The following ARHGEF33 variants were observed in gnomAD, a reference collection of about 807,000 sequenced individuals.
The protein encoded by ARHGEF33 is DH and coiled-coil domain-containing protein ENSP00000381780.
Under a neutral mutation model 101.9 loss-of-function variants are expected in ARHGEF33, and 72 were observed. That is an observed-to-expected ratio of 0.71 (90% CI 0.58 to 0.86). ARHGEF33 has a LOEUF of 0.86. Among genes scored for constraint, ARHGEF33 ranks in the 40% least tolerant of loss-of-function variants. ARHGEF33 has a pLI of 0.00. For missense variants in ARHGEF33, 1,169 were observed against 1,111.3 expected (o/e 1.05, Z -0.74); for synonymous variants, 499 against 442.5 (o/e 1.13, Z -1.60).
intron 10 of ARHGEF33, among the ~76,000 whole-genome samples, chr2:38,947,279 C>T (rs1308519690): frequency 6.6e-6 from 1 of 152,238 alleles, no homozygotes; most frequent in Non-Finnish European, 1.5e-5. Context: ...TCAAGAGCTT[C>T]CTCAGCCTGT....
chr2:38,896,692 A>C (rs1409820682), intron 2 of ARHGEF33, among the ~76,000 whole-genome samples: 1 of 152,214 alleles, frequency 6.6e-6, no homozygotes, highest in African/African-American at 2.4e-5. Flanking sequence ...GATGTCTGAC[A>C]CACTTAAGAA....
At chr2:38,904,855 A>G (rs189891024) in intron 2 of ARHGEF33, among the ~76,000 whole-genome samples, 3 of 152,358 alleles carry the variant, frequency 2.0e-5, no homozygotes, top group Admixed American at 6.5e-5. Flanking sequence ...GGATGCTCCT[A>G]GAGACGTTTA....
At chr2:38,944,705 C>T (rs934993773) in intron 10 of ARHGEF33, among the ~76,000 whole-genome samples, 1 of 152,068 alleles carries the variant, frequency 6.6e-6, no homozygotes, top group Non-Finnish European at 1.5e-5. Flanking sequence ...TCTCTGTTGC[C>T]ATCTGCATGG....
At chr2:38,908,316 G>A (rs558419677) in intron 2 of ARHGEF33, among the ~76,000 whole-genome samples, 6 of 152,290 alleles carry the variant, frequency 3.9e-5, no homozygotes, top group African/African-American at 1.4e-4. Context: ...TCAGGCTCAC[G>A]AAATCTGGTT....
intron 2 of ARHGEF33, among the ~76,000 whole-genome samples, chr2:38,905,174 T>C (rs1000253821): frequency 1.3e-5 from 2 of 151,864 alleles, no homozygotes; most frequent in African/African-American, 4.8e-5. Flanking sequence ...CCAAGGACAT[T>C]CATTTAGCCG....
intron 15 of ARHGEF33, among the ~76,000 whole-genome samples, chr2:38,959,092 C>A (rs1667847141): frequency 1.3e-5 from 2 of 152,226 alleles, no homozygotes; most frequent in Non-Finnish European, 2.9e-5. Flanking sequence ...CCACTTACAT[C>A]TGTCAATTTA....
At chr2:38,949,641 A>C (rs1667543300) in intron 10 of ARHGEF33, among the ~76,000 whole-genome samples, 1 of 152,240 alleles carries the variant, frequency 6.6e-6, no homozygotes, top group Non-Finnish European at 1.5e-5. Flanking sequence ...TCCAGGGAGT[A>C]GCAAGCCAGG....
chr2:38,905,892 C>G (rs1321442284), intron 2 of ARHGEF33, among the ~76,000 whole-genome samples: 2 of 152,154 alleles, frequency 1.3e-5, no homozygotes, highest in African/African-American at 2.4e-5. Flanking sequence ...AATGCTTAAG[C>G]AGCCCTAGAA....
intron 12 of ARHGEF33, 148 bp from the exon 13 acceptor site, chr2:38,954,225 C>G: frequency 1.6e-6 from 1 of 618,122 alleles, no homozygotes; most frequent in Non-Finnish European, 2.9e-6. Context: ...CATGTGGCCT[C>G]TCCTATGAGA....
chr2:38,924,399 TG>T (rs1434249962), intron 4 of ARHGEF33, among the ~76,000 whole-genome samples: 1 of 152,170 alleles, frequency 6.6e-6, no homozygotes, highest in Non-Finnish European at 1.5e-5. Context: ...CAGGTGGTCT[TG>T]TTTCACCCTA....
At chr2:38,931,077 A>G in intron 6 of ARHGEF33, 32 bp from the exon 7 acceptor site, 1 of 1,520,174 alleles carries the variant, frequency 6.6e-7, no homozygotes, top group South Asian at 1.3e-5. Context: ...ATTAAGAACC[A>G]GAATAGCCTT....
At chr2:38,898,565 G>T (rs901017459) in intron 2 of ARHGEF33, among the ~76,000 whole-genome samples, 17 of 152,248 alleles carry the variant, frequency 1.1e-4, no homozygotes, top group Non-Finnish European at 2.1e-4. Flanking sequence ...TATTAAGCAC[G>T]TATTGCTTTT....
At chr2:38,894,286 C>T (rs1168817497) in intron 1 of ARHGEF33, among the ~76,000 whole-genome samples, 1 of 151,862 alleles carries the variant, frequency 6.6e-6, no homozygotes, top group African/African-American at 2.4e-5. Context: ...GAGCCACAAT[C>T]ACACCACTGC....
At chr2:38,918,469 A>G (rs544174325) in intron 2 of ARHGEF33, among the ~76,000 whole-genome samples, 2 of 152,274 alleles carry the variant, frequency 1.3e-5, no homozygotes, top group South Asian at 2.1e-4. Context: ...CTCATAAGGC[A>G]GGGGAATTCT....
chr2:38,919,595 A>T, intron 3 of ARHGEF33, 123 bp downstream of exon 3: 3 of 1,026,802 alleles, frequency 2.9e-6, no homozygotes, highest in Non-Finnish European at 4.4e-6. Flanking sequence ...CTATCATCAT[A>T]TAATGACTAT....
chr2:38,898,316 C>T (rs963889443), intron 2 of ARHGEF33, among the ~76,000 whole-genome samples: 4 of 152,262 alleles, frequency 2.6e-5, no homozygotes, highest in Non-Finnish European at 5.9e-5. Context: ...AAAACGGGTG[C>T]GTGTCAAACA....
intron 4 of ARHGEF33, among the ~76,000 whole-genome samples, chr2:38,928,075 C>T (rs548564713): frequency 6.6e-6 from 1 of 152,110 alleles, no homozygotes; most frequent in Non-Finnish European, 1.5e-5. Flanking sequence ...CAAGGCAGCC[C>T]TGTGAAATAG....
At chr2:38,922,563 A>G (rs904934338) in intron 4 of ARHGEF33, among the ~76,000 whole-genome samples, 1 of 152,194 alleles carries the variant, frequency 6.6e-6, no homozygotes, top group African/African-American at 2.4e-5. Flanking sequence ...CAGCTATAGG[A>G]TGAAAGGGGG....
chr2:38,956,070 T>C (rs780741852), intron 13 of ARHGEF33, among the ~76,000 whole-genome samples: 46 of 152,196 alleles, frequency 3.0e-4, no homozygotes, highest in Non-Finnish European at 4.6e-4. Flanking sequence ...ATAGGTATTA[T>C]TGTTGTCATG....
Sources: allele counts gnomAD v4.1 joint callset (sites outside exome capture counted in the v4.1 genomes callset), GRCh38; gene constraint gnomAD v4.1.1; transcripts MANE v1.5; gene names NCBI Gene and HGNC (gene_info 2026-07-23, HGNC 2026-07-21).